SPMIP4: variants seen among roughly 807,000 people sequenced by gnomAD.
The protein encoded by SPMIP4 is sperm microtubule inner protein 4.
At chr7:25,135,942 G>C in the SPMIP4 span, 2 of 1,548,914 alleles carry the variant, frequency 1.3e-6, no homozygotes, top group Non-Finnish European at 1.7e-6. Context: ...TCTTGCAAGA[G>C]GCTGGGTTTT....
chr7:25,155,098 A>G, the SPMIP4 span: 1 of 1,614,064 alleles, frequency 6.2e-7, no homozygotes, highest in Non-Finnish European at 8.5e-7. Flanking sequence ...ATGCCCGTGT[A>G]GAGGTCCTCA....
chr7:25,143,794 C>T, the SPMIP4 span, among the ~76,000 whole-genome samples: 6 of 152,050 alleles, frequency 3.9e-5, no homozygotes, highest in African/African-American at 1.4e-4. Flanking sequence ...GACAGGGTCT[C>T]ATCATGTTGC....
chr7:25,163,202 A>G, the SPMIP4 span, among the ~76,000 whole-genome samples: 2 of 152,260 alleles, frequency 1.3e-5, no homozygotes, highest in Non-Finnish European at 2.9e-5. This position sits in a 1 kb window ranked among gnomAD's most constrained non-coding sequence, Gnocchi z 4.4. Context: ...TCCGTATTGT[A>G]GAATACTGTG....
At chr7:25,132,051 A>T in the SPMIP4 span, among the ~76,000 whole-genome samples, 1 of 152,178 alleles carries the variant, frequency 6.6e-6, no homozygotes, top group African/African-American at 2.4e-5. This position sits in a 1 kb window ranked among gnomAD's most constrained non-coding sequence, Gnocchi z 5.0. Context: ...TAATAGAGTG[A>T]AATAGAGTGA....
At chr7:25,160,585 C>T in the SPMIP4 span, among the ~76,000 whole-genome samples, 2 of 152,206 alleles carry the variant, frequency 1.3e-5, no homozygotes, top group South Asian at 4.1e-4. Flanking sequence ...CAGGCATGAG[C>T]CACTGTGCCC....
At chr7:25,176,823 T>C in the SPMIP4 span, among the ~76,000 whole-genome samples, 1 of 152,262 alleles carries the variant, frequency 6.6e-6, no homozygotes, top group Non-Finnish European at 1.5e-5. The surrounding 1 kb of genome is among the most constrained non-coding windows in gnomAD (Gnocchi z 4.4). Flanking sequence ...GGAAAAATCA[T>C]TCTTTTTCTT....
chr7:25,142,651 T>A, the SPMIP4 span: 1 of 1,610,470 alleles, frequency 6.2e-7, no homozygotes, highest in Non-Finnish European at 8.5e-7. Flanking sequence ...TGTAAAATCA[T>A]GAGTGTACGA....
At chr7:25,156,691 A>G in the SPMIP4 span, among the ~76,000 whole-genome samples, 2 of 151,980 alleles carry the variant, frequency 1.3e-5, no homozygotes, top group African/African-American at 4.8e-5. Context: ...TATTATTACT[A>G]TTACTATTAT....
At chr7:25,158,773 G>A in the SPMIP4 span, among the ~76,000 whole-genome samples, 1 of 151,886 alleles carries the variant, frequency 6.6e-6, no homozygotes, top group Non-Finnish European at 1.5e-5. Context: ...AGCTAGGCAT[G>A]GTGGTGCATG....
At chr7:25,178,575 C>G in the SPMIP4 span, among the ~76,000 whole-genome samples, 3 of 152,148 alleles carry the variant, frequency 2.0e-5, no homozygotes, top group Non-Finnish European at 4.4e-5. Context: ...TCTTTGCTTA[C>G]AACATATTAA....
At chr7:25,168,157 A>G in the SPMIP4 span, 5 of 730,846 alleles carry the variant, frequency 6.8e-6, no homozygotes. Flanking sequence ...TTAATTTTTC[A>G]TTCTGTGTCT....
the SPMIP4 span, among the ~76,000 whole-genome samples, chr7:25,149,171 C>T: frequency 6.6e-6 from 1 of 152,136 alleles, no homozygotes; most frequent in Admixed American, 6.5e-5. Context: ...GAGGAGGTAG[C>T]TGTAGGCTAT....
At chr7:25,126,559 AG>A in the SPMIP4 span, among the ~76,000 whole-genome samples, 1 of 152,230 alleles carries the variant, frequency 6.6e-6, no homozygotes, top group Non-Finnish European at 1.5e-5. Context: ...GAGAAAACTA[AG>A]AAAAACTCTG....
chr7:25,151,966 A>T, the SPMIP4 span, among the ~76,000 whole-genome samples: 1 of 152,294 alleles, frequency 6.6e-6, no homozygotes, highest in Non-Finnish European at 1.5e-5. Context: ...AGGGCAGGGC[A>T]GGCCACCACA....
chr7:25,153,176 G>A, the SPMIP4 span, among the ~76,000 whole-genome samples: 138 of 152,260 alleles, frequency 9.1e-4, no homozygotes, highest in African/African-American at 3.2e-3. Context: ...TTCCCTAATA[G>A]TGACTGAATG....
chr7:25,132,217 A>G, the SPMIP4 span, among the ~76,000 whole-genome samples: 1 of 152,128 alleles, frequency 6.6e-6, no homozygotes, highest in East Asian at 1.9e-4. This position sits in a 1 kb window ranked among gnomAD's most constrained non-coding sequence, Gnocchi z 5.0. Context: ...CCTAATTAGC[A>G]TTTTAGTGAG....
At chr7:25,180,181 T>G in the SPMIP4 span, 1 of 152,416 alleles carries the variant, frequency 6.6e-6, no homozygotes, top group African/African-American at 2.4e-5. Context: ...ACCGCGGCAT[T>G]AGGTGATGCG....
chr7:25,177,810 T>A, the SPMIP4 span, among the ~76,000 whole-genome samples: 127,356 of 152,150 alleles, frequency 0.84, 53,459 homozygotes, highest in Non-Finnish European at 0.87. Context: ...TTTTTTTTTT[T>A]AAACTTTTTT....
the SPMIP4 span, among the ~76,000 whole-genome samples, chr7:25,130,160 A>G: frequency 6.6e-6 from 1 of 151,738 alleles, no homozygotes; most frequent in Non-Finnish European, 1.5e-5. Context: ...AATCACTTGA[A>G]CCTGGGAGGT....
Sources: gnomAD v4.1 joint callset for allele counts (sites outside exome capture counted in the v4.1 genomes callset) on GRCh38, gnomAD v4.1.1 for gene constraint, Gnocchi (gnomAD v3.1) non-coding constraint, MANE v1.5 for transcripts, NCBI Gene and HGNC (gene_info 2026-07-23, HGNC 2026-07-21) for gene names.